The following POLB variants were observed in gnomAD, a reference collection of about 807,000 sequenced individuals.
The protein encoded by POLB is 5'-dRP lyase.
POLB carries 37 observed loss-of-function variants against 52.7 expected under a neutral mutation model. The observed-to-expected ratio is 0.70, with a 90% CI of 0.54 to 0.92. The LOEUF (loss-of-function observed/expected upper bound fraction) is 0.92, where lower values mean the gene tolerates loss of function less well. Among genes scored for constraint, POLB ranks in the 40% least tolerant of loss-of-function variants. The pLI, the probability that POLB is intolerant of heterozygous loss-of-function variation, is 0.00. For missense variants in POLB, 313 were observed against 400.8 expected (o/e 0.78, Z 1.87); for synonymous variants, 138 against 131.3 (o/e 1.05, Z -0.35).
chr8:42,346,426 C>T (rs1466094045), intron 3 of POLB, among the ~76,000 whole-genome samples: 1 of 149,566 alleles, frequency 6.7e-6, no homozygotes, highest in African/African-American at 2.5e-5. Context: ...GTCACTCAGG[C>T]TGGAGTGCAG....
At chr8:42,358,648 A>T (rs761185538) in intron 9 of POLB, among the ~76,000 whole-genome samples, 35 of 152,342 alleles carry the variant, frequency 2.3e-4, no homozygotes, top group Middle Eastern at 3.4e-3. Context: ...GTGATGGCCT[A>T]TCAGGAATAC....
intron 13 of POLB, among the ~76,000 whole-genome samples, chr8:42,371,126 A>G (rs111370566): frequency 0.035 from 5,375 of 152,152 alleles, 112 homozygotes; most frequent in Non-Finnish European, 0.04. Context: ...AGAGGTAGTC[A>G]GTGTCTTTTT....
At chr8:42,364,545 T>C (rs1282481526) in intron 11 of POLB, among the ~76,000 whole-genome samples, 1 of 152,112 alleles carries the variant, frequency 6.6e-6, no homozygotes, top group Non-Finnish European at 1.5e-5. Flanking sequence ...TTTCTTAAGG[T>C]GACATTTAGT....
chr8:42,351,273 T>C (rs981103598), intron 5 of POLB, among the ~76,000 whole-genome samples: 4 of 152,252 alleles, frequency 2.6e-5, no homozygotes, highest in African/African-American at 7.2e-5. Context: ...CCATATCTTC[T>C]GACTCCGAGT....
chr8:42,338,944 T>A, intron 1 of POLB, 68 bp from the exon 2 acceptor site: 1 of 1,368,060 alleles, frequency 7.3e-7, no homozygotes, highest in East Asian at 2.3e-5. Flanking sequence ...CCATATCCCC[T>A]TCCAGAAAAC....
intron 3 of POLB, among the ~76,000 whole-genome samples, chr8:42,345,755 A>G (rs1343425942): frequency 6.6e-6 from 1 of 152,180 alleles, no homozygotes; most frequent in Non-Finnish European, 1.5e-5. Context: ...GGATTTTTGG[A>G]TTAGTGATAC....
intron 6 of POLB, 145 bp downstream of exon 6, chr8:42,352,713 A>G: frequency 1.6e-6 from 1 of 622,948 alleles, no homozygotes. Context: ...GTAGTACAGT[A>G]GATATAGGGT....
At chr8:42,370,272 T>G (rs985608291) in intron 13 of POLB, 679 of 465,070 alleles carry the variant, frequency 1.5e-3, no homozygotes, top group East Asian at 3.9e-3. Flanking sequence ...TTTTTTTTTT[T>G]TTTTTTTTTT....
chr8:42,352,609 G>A, intron 6 of POLB, 41 bp downstream of exon 6: 2 of 1,183,768 alleles, frequency 1.7e-6, no homozygotes, highest in Non-Finnish European at 2.5e-6. Context: ...ATTAAATATG[G>A]TCCTGAAGGA....
chr8:42,366,371 G>A (rs913167897), intron 11 of POLB, among the ~76,000 whole-genome samples: 3 of 152,156 alleles, frequency 2.0e-5, no homozygotes, highest in Non-Finnish European at 4.4e-5. Context: ...GAAGAAAACA[G>A]GCTAAAAAAC....
chr8:42,359,447 C>T (rs1420798197), intron 9 of POLB, among the ~76,000 whole-genome samples: 4 of 151,670 alleles, frequency 2.6e-5, no homozygotes, highest in East Asian at 1.9e-4. Flanking sequence ...CTCCGCCTCC[C>T]GGGCTGAAGT....
chr8:42,360,873 G>C (rs1441230509), intron 9 of POLB, among the ~76,000 whole-genome samples: 1 of 152,058 alleles, frequency 6.6e-6, no homozygotes, highest in African/African-American at 2.4e-5. Flanking sequence ...ATGAGCCACC[G>C]TGCCCGGCTG....
intron 9 of POLB, among the ~76,000 whole-genome samples, chr8:42,358,538 G>A (rs796972283): frequency 1.6e-4 from 24 of 152,234 alleles, no homozygotes; most frequent in African/African-American, 5.8e-4. Flanking sequence ...AATTGGAATA[G>A]AAAAACCTTA....
chr8:42,349,356 C>CT (rs1235383605), intron 4 of POLB: 2 of 274,408 alleles, frequency 7.3e-6, no homozygotes, highest in African/African-American at 2.2e-5. Flanking sequence ...TAAACTTTGA[C>CT]TGAAAGATCG....
intron 5 of POLB, among the ~76,000 whole-genome samples, chr8:42,351,199 C>T (rs545091977): frequency 1.3e-5 from 2 of 151,938 alleles, no homozygotes; most frequent in African/African-American, 4.8e-5. Context: ...TCCTTTTTTT[C>T]TAGGCAAGAG....
chr8:42,365,960 C>T (rs989623521), intron 11 of POLB, among the ~76,000 whole-genome samples: 12 of 152,068 alleles, frequency 7.9e-5, no homozygotes, highest in Non-Finnish European at 1.5e-4. Flanking sequence ...ATTAGCTGGG[C>T]GTGGTGGCGG....
intron 9 of POLB, chr8:42,361,050 G>A (rs528095805): frequency 5.2e-5 from 33 of 636,934 alleles, no homozygotes; most frequent in African/African-American, 9.0e-5. Context: ...AAATTAACTC[G>A]TTGTATGCAA....
chr8:42,343,349 T>C (rs1443604680), intron 2 of POLB, among the ~76,000 whole-genome samples: 210 of 17,890 alleles, frequency 0.012, 6 homozygotes, highest in African/African-American at 0.02. Flanking sequence ...AAAAAAAATA[T>C]ATATATATAT....
rs9918884 is a variant in POLB, at chr8:42,356,385, T to G, written c.423-784T>G. The stretch of plus-strand genomic sequence containing the variant: ...AGGTGCTTCATCATGCTGAAGCATA[T>G]GCTTAGTTGCTGTTTCACACTGAAT... On this transcript the variant is annotated intron_variant, in intron 7 of 13. Coordinates refer to ENST00000265421, the MANE Select transcript of POLB (RefSeq NM_002690.3). Among the ~76,000 whole-genome samples the G allele has an allele frequency of 1.2e-3, 181 of 152,366 alleles. 1 individual carries two copies. The highest frequency in any genetic ancestry group is 3.9e-3 in the African/African-American group (163 of 41,580).
Sources: allele counts gnomAD v4.1 joint callset (sites outside exome capture counted in the v4.1 genomes callset), GRCh38; gene constraint gnomAD v4.1.1; transcripts MANE v1.5; gene names NCBI Gene and HGNC (gene_info 2026-07-23, HGNC 2026-07-21).